CHRM3: variants seen among roughly 807,000 people sequenced by gnomAD.
CHRM3 encodes the protein cholinergic receptor muscarinic 3.
Under a neutral mutation model 41.8 loss-of-function variants are expected in CHRM3, and 11 were observed. The observed-to-expected ratio is 0.26, with a 90% CI of 0.17 to 0.44. The LOEUF is 0.44. CHRM3 is among the 20% of genes least tolerant of loss of function. The pLI, the probability that CHRM3 is intolerant of heterozygous loss-of-function variation, is 1.00. For synonymous variants in CHRM3, 297 were observed against 301.4 expected (o/e 0.99, Z 0.15); for missense variants, 571 against 745.4 (o/e 0.77, Z 2.72).
At chr1:239,688,693 TATA>T (rs1355856690) in intron 5 of CHRM3, among the ~76,000 whole-genome samples, 1 of 133,462 alleles carries the variant, frequency 7.5e-6, no homozygotes, top group African/African-American at 2.8e-5. Context: ...CAATATAATA[TATA>T]ATATTATATA....
chr1:239,642,943 G>T (rs1671347326), intron 4 of CHRM3, among the ~76,000 whole-genome samples: 2 of 152,100 alleles, frequency 1.3e-5, no homozygotes, highest in African/African-American at 4.8e-5. Context: ...ATGGGTTTTT[G>T]GTGTGGATGT....
At chr1:239,393,251 T>C (rs1659196990) in intron 1 of CHRM3, among the ~76,000 whole-genome samples, 1 of 152,242 alleles carries the variant, frequency 6.6e-6, no homozygotes, top group African/African-American at 2.4e-5. Context: ...TGACAATATG[T>C]TGATGACTAT....
intron 4 of CHRM3, among the ~76,000 whole-genome samples, chr1:239,656,131 A>G (rs1646072821): frequency 6.6e-6 from 1 of 151,996 alleles, no homozygotes; most frequent in Non-Finnish European, 1.5e-5. Context: ...AGGAAAGGAT[A>G]AACACTGGAG....
Position 239,628,617 on chromosome 1 carries a change from C to T in CHRM3, c.-312-3607C>T, listed in dbSNP as rs201582307. ...TTTCCAGTTTTTCTGTTCTGTTTTT[C>T]CCCATCTTTGTGGTTTTATCTACTT... On this transcript the variant is annotated intron_variant, in intron 3 of 6. Coordinates refer to ENST00000676153, the MANE Select transcript of CHRM3 (RefSeq NM_001375978.1). Among the ~76,000 whole-genome samples the T allele has an allele frequency of 3.5e-5, 2 of 56,830 alleles. 1 individual carries two copies. 37.3% of individuals were successfully genotyped at this position (56,830 alleles called of 152,430 possible).
chr1:239,820,604 A>C (rs1035780254), intron 5 of CHRM3, among the ~76,000 whole-genome samples: 9 of 152,100 alleles, frequency 5.9e-5, no homozygotes, highest in African/African-American at 1.9e-4. Context: ...AGGTGATTAG[A>C]GAGACTTTGA....
intron 1 of CHRM3, among the ~76,000 whole-genome samples, chr1:239,404,719 A>AATATATATATATAT (rs67746016): frequency 2.2e-4 from 21 of 97,354 alleles, no homozygotes; most frequent in Non-Finnish European, 3.0e-4. Flanking sequence ...GCTATATCTA[A>AATATATATATATAT]ATATATATAT....
chr1:239,399,711 G>GTA (rs955320331), intron 1 of CHRM3, among the ~76,000 whole-genome samples: 16 of 102,866 alleles, frequency 1.6e-4, no homozygotes, highest in Admixed American at 2.4e-4. Context: ...TATCTATTGT[G>GTA]TATATATACC....
intron 6 of CHRM3, among the ~76,000 whole-genome samples, chr1:239,891,468 G>T (rs1247811458): frequency 6.6e-6 from 1 of 152,144 alleles, no homozygotes; most frequent in Non-Finnish European, 1.5e-5. Context: ...GCACCTTGAG[G>T]ATGGCCATTC....
At chr1:239,530,435 GAATT>G (rs1670322994) in intron 2 of CHRM3, among the ~76,000 whole-genome samples, 1 of 152,094 alleles carries the variant, frequency 6.6e-6, no homozygotes, top group Non-Finnish European at 1.5e-5. Context: ...TGTAAAAATT[GAATT>G]AATAATGAAA....
intron 2 of CHRM3, among the ~76,000 whole-genome samples, chr1:239,532,167 A>G (rs1281093393): frequency 2.1e-5 from 3 of 143,726 alleles, no homozygotes; most frequent in Non-Finnish European, 3.0e-5. Flanking sequence ...CGCTGCCACC[A>G]CGCCCGGCTA....
At chr1:239,470,511 A>G (rs559805920) in intron 1 of CHRM3, among the ~76,000 whole-genome samples, 9 of 152,320 alleles carry the variant, frequency 5.9e-5, no homozygotes, top group African/African-American at 1.7e-4. Flanking sequence ...TGACCATCAA[A>G]GGGCCCAGGG....
chr1:239,515,799 A>C (rs2148228603), intron 2 of CHRM3, among the ~76,000 whole-genome samples: 1 of 152,328 alleles, frequency 6.6e-6, no homozygotes, highest in Admixed American at 6.5e-5. Context: ...TTCACAATAG[A>C]TAAAAATAAA....
chr1:239,562,081 T>G (rs1660908862), intron 3 of CHRM3, among the ~76,000 whole-genome samples: 1 of 152,326 alleles, frequency 6.6e-6, no homozygotes, highest in East Asian at 1.9e-4. Flanking sequence ...ACAATTGTTT[T>G]AATTGTCATG....
Position 239,822,562 on chromosome 1 carries a change from A to T in CHRM3, c.-146-4690A>T, listed in dbSNP as rs116692433. ...CTTCAAATAACTTTTACAACTTGAAAAATTACAGACACCGATTTAAAAATG... is the reference window on the plus strand; with the variant it reads ...CTTCAAATAACTTTTACAACTTGAATAATTACAGACACCGATTTAAAAATG... On this transcript the variant is annotated intron_variant, in intron 5 of 6. Coordinates refer to ENST00000676153, the MANE Select transcript of CHRM3 (RefSeq NM_001375978.1). Among the ~76,000 whole-genome samples, 814 of 152,330 alleles carry T rather than the reference A, an allele frequency of 5.3e-3. 10 individuals are homozygous for T. The highest frequency in any genetic ancestry group is 0.019 in the African/African-American group (786 of 41,566).
intron 5 of CHRM3, among the ~76,000 whole-genome samples, chr1:239,733,551 A>T (rs1664147563): frequency 6.6e-6 from 1 of 152,080 alleles, no homozygotes; most frequent in African/African-American, 2.4e-5. Context: ...AGAGGCTATT[A>T]GTAAGTGTTT....
intron 3 of CHRM3, among the ~76,000 whole-genome samples, chr1:239,581,329 A>G (rs1236921673): frequency 2.0e-5 from 3 of 151,926 alleles, no homozygotes; most frequent in Non-Finnish European, 2.9e-5. Context: ...TCAGATGGGG[A>G]AATTAAAACT....
chr1:239,728,570 A>G (rs1056843765), intron 5 of CHRM3, among the ~76,000 whole-genome samples: 14 of 152,042 alleles, frequency 9.2e-5, no homozygotes, highest in South Asian at 2.1e-4. Flanking sequence ...TCTTCAAAAT[A>G]TTAACAATAA....
At chr1:239,405,249 G>A (rs1005066119) in intron 1 of CHRM3, among the ~76,000 whole-genome samples, 8 of 152,028 alleles carry the variant, frequency 5.3e-5, no homozygotes, top group Non-Finnish European at 7.4e-5. Context: ...CAAAACCCTC[G>A]AGCCAGGTGA....
At chr1:239,905,333 T>G (rs1477179322) in intron 6 of CHRM3, among the ~76,000 whole-genome samples, 1 of 152,318 alleles carries the variant, frequency 6.6e-6, no homozygotes, top group East Asian at 1.9e-4. Flanking sequence ...CTCCCAGACA[T>G]CACCTTGTTA....
Sources: allele counts gnomAD v4.1 joint callset (sites outside exome capture counted in the v4.1 genomes callset), GRCh38; gene constraint gnomAD v4.1.1; transcripts MANE v1.5; gene names NCBI Gene and HGNC (gene_info 2026-07-23, HGNC 2026-07-21).